Variants in MAP6 observed in about 807,000 individuals in gnomAD.
The protein encoded by MAP6 is microtubule-associated protein 6.
In MAP6, 26 loss-of-function variants were observed where a neutral mutation model predicts 42.4. The ratio of observed to expected loss-of-function variants is 0.61; its 90% CI spans 0.45 to 0.85. MAP6 has a LOEUF of 0.85. MAP6 is among the 40% of genes least tolerant of loss of function. The probability of loss-of-function intolerance (pLI) is 0.00; values close to 1 mark genes in which losing one functional copy is unlikely to be tolerated. For synonymous variants in MAP6, 418 were observed against 443.8 expected, an observed-to-expected ratio of 0.94 and a Z score of 0.73; for missense variants, 966 against 1,099.0, an observed-to-expected ratio of 0.88 and a Z score of 1.71.
intron 1 of MAP6, among the ~76,000 whole-genome samples, chr11:75,621,407 C>G (rs1465009491): frequency 6.6e-6 from 1 of 152,088 alleles, no homozygotes; most frequent in African/African-American, 2.4e-5. Context: ...CTACAAAAAC[C>G]CTACAACAAA....
intron 3 of MAP6, chr11:75,604,994 G>A (rs1017386033): frequency 2.1e-5 from 21 of 985,334 alleles, no homozygotes; most frequent in African/African-American, 1.9e-4. Context: ...ATCTCCAACC[G>A]GTCGCTCTGC....
At chr11:75,590,572 C>T (rs959456096) in intron 3 of MAP6, among the ~76,000 whole-genome samples, 44 of 152,178 alleles carry the variant, frequency 2.9e-4, no homozygotes, top group African/African-American at 1.1e-3. Context: ...ATACATAACC[C>T]CATATTGCTT....
chr11:75,666,809 C>G (rs1327178727), intron 1 of MAP6, among the ~76,000 whole-genome samples: 1 of 152,168 alleles, frequency 6.6e-6, no homozygotes, highest in South Asian at 2.1e-4. Flanking sequence ...CCAATTACAT[C>G]TTACAGATAA....
At chr11:75,617,756 A>G (rs770843762) in intron 1 of MAP6, among the ~76,000 whole-genome samples, 1 of 152,078 alleles carries the variant, frequency 6.6e-6, no homozygotes, top group Admixed American at 6.6e-5. Flanking sequence ...GAGAAGTGAT[A>G]GGTTGTAAGA....
intron 1 of MAP6, among the ~76,000 whole-genome samples, chr11:75,613,218 G>A (rs1050383358): frequency 1.3e-5 from 2 of 151,618 alleles, no homozygotes; most frequent in Non-Finnish European, 2.9e-5. Flanking sequence ...TTTATTTCTG[G>A]TCAGCTGATG....
chr11:75,598,965 AAGC>A (rs1305335780), intron 3 of MAP6: 1 of 152,388 alleles, frequency 6.6e-6, no homozygotes, highest in Non-Finnish European at 1.5e-5. Context: ...CCAGGTGGAG[AAGC>A]AGGAGAAGGG....
chr11:75,588,243 A>G (rs1942402551), intron 3 of MAP6, 59 bp from the exon 4 acceptor site: 3 of 1,485,244 alleles, frequency 2.0e-6, no homozygotes, highest in Non-Finnish European at 2.7e-6. Context: ...GACAGGGCAG[A>G]GTACAGATTG....
At chr11:75,634,920 A>G (rs770569614) in intron 1 of MAP6, among the ~76,000 whole-genome samples, 21 of 152,174 alleles carry the variant, frequency 1.4e-4, no homozygotes, top group Non-Finnish European at 2.5e-4. Flanking sequence ...CCAAATTACT[A>G]ATGAGGTAAT....
chr11:75,662,046 C>A (rs1156603387), intron 1 of MAP6, among the ~76,000 whole-genome samples: 3 of 151,878 alleles, frequency 2.0e-5, no homozygotes, highest in Non-Finnish European at 4.4e-5. Flanking sequence ...ATGATAGGAA[C>A]AATAATTAAA....
chr11:75,601,944 G>C (rs907728720), intron 3 of MAP6, among the ~76,000 whole-genome samples: 1 of 151,568 alleles, frequency 6.6e-6, no homozygotes, highest in Non-Finnish European at 1.5e-5. Context: ...CATGGAACCA[G>C]CTAGAATGGC....
intron 3 of MAP6, among the ~76,000 whole-genome samples, chr11:75,600,119 A>G (rs1028742805): frequency 2.6e-5 from 4 of 152,174 alleles, no homozygotes; most frequent in Non-Finnish European, 5.9e-5. Context: ...GAAAGTGGAC[A>G]AGTACTTTCA....
rs1180634450 is a variant in MAP6, at chr11:75,605,798, G to A, written c.1316+10C>T. 6.2e-7 allele frequency: 1 copy of A among 1,613,748 alleles called. No individual in the cohort carries two copies. Among genetic ancestry groups the A allele is most frequent in the Non-Finnish European group, 8.5e-7 (1 of 1,179,728 alleles). On this transcript the variant is annotated intron_variant, in intron 3 of 3. Coordinates refer to ENST00000304771, the MANE Select transcript of MAP6 (RefSeq NM_033063.2). Reference sequence around the variant, plus strand: ...AGAGAAGAGTAAAAGGAAAGTGCAGGGAAATTTACTCTTTCGCCTCAGCCA... The same window carrying A: ...AGAGAAGAGTAAAAGGAAAGTGCAGAGAAATTTACTCTTTCGCCTCAGCCA...
chr11:75,668,128 C>T lies in MAP6; in HGVS notation c.242G>A (p.Arg81Gln). Residue 81 changes from arginine to glutamine, a missense_variant, in exon 1 of 4, where the codon CGG (arginine) becomes CAG (glutamine). Physicochemically the swap from Arg to Gln is conservative, Grantham distance 43. Around this residue, in one of 2 missense-constraint regions of MAP6, gnomAD observed 943 missense variants for 1,049.9 expected, o/e 0.90. Transcript: ENST00000304771. ...PAQGELDAVARATGPAPGPTG... is the reference protein window; with the variant it reads ...PAQGELDAVAQATGPAPGPTG... ...AGGCCCAGGCGCTGGCCCCGTTGCC[C>T]GGGCAACTGCATCCAACTCGCCCTG... is the stretch of plus-strand genomic sequence containing the variant. The T allele has an allele frequency of 1.6e-6, 2 of 1,220,384 alleles. No individual in the cohort carries two copies. The highest frequency in any genetic ancestry group is 4.3e-5 in the Admixed American group (1 of 23,016). The allele number at this position is 1,220,384 out of a possible 1,614,324, so 75.6% of individuals were successfully genotyped here.
chr11:75,666,522 G>A (rs1207853483), intron 1 of MAP6, among the ~76,000 whole-genome samples: 1 of 152,040 alleles, frequency 6.6e-6, no homozygotes, highest in South Asian at 2.1e-4. Flanking sequence ...GAAAGAAGAT[G>A]CCTCAATAGC....
intron 1 of MAP6, among the ~76,000 whole-genome samples, chr11:75,644,022 G>T (rs887477274): frequency 2.6e-5 from 4 of 152,162 alleles, no homozygotes; most frequent in African/African-American, 9.6e-5. Flanking sequence ...GAGGTGCATG[G>T]TTACAAACTT....
intron 1 of MAP6, among the ~76,000 whole-genome samples, chr11:75,646,710 G>C (rs1205456320): frequency 1.3e-5 from 2 of 151,946 alleles, no homozygotes; most frequent in Non-Finnish European, 2.9e-5. Flanking sequence ...TGAGGCAGGA[G>C]AATCACTTGA....
intron 1 of MAP6, among the ~76,000 whole-genome samples, chr11:75,657,151 G>A (rs188546785): frequency 4.3e-4 from 62 of 144,786 alleles, no homozygotes; most frequent in Non-Finnish European, 7.5e-4. Context: ...TCGCTCTGTC[G>A]CCAGGCTGGA....
Position 75,587,669 on chromosome 11 carries a change from G to A in MAP6, c.1832C>T (p.Pro611Leu). ...APVKDQGPIV[P>L]APVKGEGPIV... ...GGGACCTTCACCCTTGACAGGTGCT[G>A]GGACTATGGGACCTTGATCCTTGAC... Residue 611 changes from proline (P) to leucine (L), a missense_variant, in exon 4 of 4, where the codon CCA becomes CTA. Physicochemically the swap from Pro to Leu is moderately conservative, Grantham distance 98. Transcript: ENST00000304771. The A allele has an allele frequency of 6.2e-7, 1 of 1,613,772 alleles. No homozygotes were observed. The highest frequency in any genetic ancestry group is 1.1e-5 in the South Asian group (1 of 91,060).
chr11:75,588,710 G>T (rs1192920541), intron 3 of MAP6, among the ~76,000 whole-genome samples: 1 of 152,182 alleles, frequency 6.6e-6, no homozygotes, highest in Non-Finnish European at 1.5e-5. Flanking sequence ...GGGGCAAGGG[G>T]TCCATGGCAT....
Sources: gnomAD v4.1 joint callset for allele counts (sites outside exome capture counted in the v4.1 genomes callset) on GRCh38, gnomAD v4.1.1 for gene constraint, gnomAD v4.1.1 regional missense constraint, MANE v1.5 for transcripts, NCBI Gene and HGNC (gene_info 2026-07-23, HGNC 2026-07-21) for gene names.